LAMA4: variants seen among roughly 807,000 people sequenced by gnomAD.
LAMA4 encodes laminin subunit alpha 4.
In LAMA4, 127 loss-of-function variants were observed where a neutral mutation model predicts 207.1. The ratio of observed to expected loss-of-function variants is 0.61; its 90% CI spans 0.53 to 0.71. LAMA4 has a LOEUF of 0.71. Among genes scored for constraint, LAMA4 ranks in the 30% least tolerant of loss-of-function variants. The pLI, the probability that LAMA4 is intolerant of heterozygous loss-of-function variation, is 0.00. For missense variants in LAMA4, 2,093 were observed against 2,246.5 expected (o/e 0.93, Z 1.38); for synonymous variants, 761 against 816.0 (o/e 0.93, Z 1.15).
chr6:112,232,652 C>G (rs1299225513), intron 2 of LAMA4, among the ~76,000 whole-genome samples: 1 of 152,080 alleles, frequency 6.6e-6, no homozygotes, highest in Non-Finnish European at 1.5e-5. Flanking sequence ...ATCGAGATAG[C>G]TATTCTGTTA....
Position 112,155,566 on chromosome 6 carries a change from T to C in LAMA4, c.1958A>G (p.Asp653Gly). 1.9e-6 allele frequency: 3 copies of C among 1,614,130 alleles called. No individual in the cohort carries two copies. The South Asian group carries it at 3.3e-5, about 18-fold the overall frequency. Reference protein sequence around the residue: ...FALNTTDRIYDAVSGIDTQII... With the variant: ...FALNTTDRIYGAVSGIDTQII... ...AAAGAACTTTCAGGGAATACTCACA[T>C]CATAAATTCGGTCAGTGGTGTTCAA... is the stretch of plus-strand genomic sequence containing the variant. The change falls in exon 15 of 39, where the codon GAT becomes GGT. Residue 653 changes from aspartate (D) to glycine (G), a missense_variant and splice_region_variant. Physicochemically the swap from Asp to Gly is moderately conservative, Grantham distance 94. Coordinates refer to ENST00000230538, the MANE Select transcript of LAMA4 (RefSeq NM_001105206.3).
At chr6:112,113,542 T>C (rs1777829663) in intron 38 of LAMA4, among the ~76,000 whole-genome samples, 1 of 152,232 alleles carries the variant, frequency 6.6e-6, no homozygotes, top group African/African-American at 2.4e-5. Context: ...TCTTGGCAGA[T>C]GACAGCAGCA....
At chr6:112,134,244 A>T (rs1554330786) in intron 26 of LAMA4, among the ~76,000 whole-genome samples, 2 of 152,226 alleles carry the variant, frequency 1.3e-5, no homozygotes, top group Non-Finnish European at 2.9e-5. Context: ...AGAGTAATAC[A>T]ATAATTGAAG....
At position 112,117,246 on chromosome 6, in the gene LAMA4, G is replaced by A. The variant is rs373999183; in HGVS notation, c.4981+493C>T. ...ATCTGGCATAGGGACTGCCTTATGG[G>A]AGGCATACAATAAAAACTGAATGAG... On this transcript the variant is annotated intron_variant, in intron 35 of 38. Transcript: ENST00000230538. The surrounding 1 kb of genome is among the most constrained non-coding windows in gnomAD (Gnocchi z 4.5). Among the ~76,000 whole-genome samples the A allele has an allele frequency of 4.1e-4, 62 of 152,194 alleles. No homozygotes were observed. The highest frequency in any genetic ancestry group is 1.4e-3 in the African/African-American group (60 of 41,512).
intron 18 of LAMA4, 27 bp downstream of exon 18, chr6:112,148,130 T>A: frequency 1.5e-5 from 24 of 1,603,852 alleles, no homozygotes; most frequent in Non-Finnish European, 1.8e-5. Flanking sequence ...TTAATTAGAT[T>A]CAAATTGTGA....
At chr6:112,227,818 C>T (rs1368400312) in intron 2 of LAMA4, among the ~76,000 whole-genome samples, 2 of 152,172 alleles carry the variant, frequency 1.3e-5, no homozygotes, top group South Asian at 2.1e-4. Flanking sequence ...TGAGTGGCTA[C>T]TAAATCTGAT....
At chr6:112,251,766 T>C (rs1410203820) in intron 2 of LAMA4, among the ~76,000 whole-genome samples, 1 of 152,250 alleles carries the variant, frequency 6.6e-6, no homozygotes, top group Non-Finnish European at 1.5e-5. Context: ...TGTGAAACTA[T>C]GCAGTGGGAA....
At chr6:112,207,360 TTG>T (rs1554354717) in intron 3 of LAMA4, among the ~76,000 whole-genome samples, 1 of 151,984 alleles carries the variant, frequency 6.6e-6, no homozygotes, top group Non-Finnish European at 1.5e-5. Flanking sequence ...TCCTGGGCTT[TTG>T]TGTGTGTGTG....
At chr6:112,224,585 G>A (rs1181540755) in intron 2 of LAMA4, among the ~76,000 whole-genome samples, 1 of 152,170 alleles carries the variant, frequency 6.6e-6, no homozygotes, top group Non-Finnish European at 1.5e-5. Context: ...GGAGGCTGAG[G>A]CAGGTAGATC....
chr6:112,117,755 TC>T lies in LAMA4; in HGVS notation c.4964del (p.Gly1655GlufsTer6), dbSNP rs782440561. ...METGTYFSTE[G>X]GYVVLDESFN... Reference sequence around the variant, plus strand: ...TAATGTTACCTAGAACCACGTATCCTCCTTCTGTTGAAAAGTAAGTTCCTGT... The same window carrying T: ...TAATGTTACCTAGAACCACGTATCCTCTTCTGTTGAAAAGTAAGTTCCTGT... On this transcript the variant is annotated frameshift_variant, in exon 35 of 39. Transcript: ENST00000230538. LOFTEE classifies it high-confidence loss of function. This position sits in a 1 kb window ranked among gnomAD's most constrained non-coding sequence, Gnocchi z 4.5. 6.2e-7 allele frequency: 1 copy of T among 1,613,550 alleles called. No homozygotes were observed. Among genetic ancestry groups the T allele is most frequent in the South Asian group, 1.1e-5 (1 of 91,062 alleles).
intron 5 of LAMA4, among the ~76,000 whole-genome samples, chr6:112,192,955 G>A (rs1435748831): frequency 6.6e-6 from 1 of 152,234 alleles, no homozygotes; most frequent in Non-Finnish European, 1.5e-5. Flanking sequence ...GGATGTTTAT[G>A]TGAAATTGCA....
At chr6:112,214,163 A>G (rs1402909149) in intron 3 of LAMA4, 1 of 502,338 alleles carries the variant, frequency 2.0e-6, no homozygotes, top group Non-Finnish European at 3.6e-6. Context: ...AGTGAAATAA[A>G]AAATTCTTTT....
At chr6:112,199,752 G>A (rs1554351588) in intron 5 of LAMA4, among the ~76,000 whole-genome samples, 1 of 146,774 alleles carries the variant, frequency 6.8e-6, no homozygotes, top group African/African-American at 2.6e-5. Context: ...ATTTTTCTCT[G>A]TATCACAGAT....
chr6:112,191,859 G>A lies in LAMA4; in HGVS notation c.504-9C>T, dbSNP rs782500236. On this transcript the variant is annotated splice_polypyrimidine_tract_variant and intron_variant, in intron 5 of 38. Coordinates refer to ENST00000230538, the MANE Select transcript of LAMA4 (RefSeq NM_001105206.3). ...AGTAACCGGGAGCACATCTGAAGAG[G>A]AATATCACACATTTAAATATTTAGC... 1.3e-5 allele frequency: 21 copies of A among 1,580,742 alleles called. No homozygotes were observed. The East Asian group carries it at 3.8e-4, about 29-fold the overall frequency.
chr6:112,129,143 G>T, intron 30 of LAMA4, 68 bp from the exon 31 acceptor site: 1 of 1,395,644 alleles, frequency 7.2e-7, no homozygotes. Context: ...TGAATATTAT[G>T]GAAGTGAAAG....
At chr6:112,167,116 C>A (rs1482807917) in intron 12 of LAMA4, among the ~76,000 whole-genome samples, 2 of 152,228 alleles carry the variant, frequency 1.3e-5, no homozygotes, top group Non-Finnish European at 2.9e-5. Context: ...TGTATGGCTA[C>A]TGTTGGTACA....
chr6:112,166,040 G>C (rs782066559), intron 12 of LAMA4, among the ~76,000 whole-genome samples: 1 of 152,300 alleles, frequency 6.6e-6, no homozygotes, highest in South Asian at 2.1e-4. Context: ...AGTGAAAAAT[G>C]AGTTGAAGTT....
chr6:112,144,000 TTCTG>T (rs1191225545), intron 19 of LAMA4, among the ~76,000 whole-genome samples: 2 of 152,208 alleles, frequency 1.3e-5, no homozygotes, highest in Admixed American at 6.5e-5. Flanking sequence ...TAACTCTTCT[TTCTG>T]TCAGTAATTA....
intron 9 of LAMA4, among the ~76,000 whole-genome samples, chr6:112,184,322 T>C (rs1275857630): frequency 2.2e-5 from 3 of 133,946 alleles, no homozygotes; most frequent in Non-Finnish European, 4.8e-5. Flanking sequence ...GGAATATCAT[T>C]AGAAAAAAAA....
Sources: allele counts gnomAD v4.1 joint callset (sites outside exome capture counted in the v4.1 genomes callset), GRCh38; gene constraint gnomAD v4.1.1; non-coding constraint Gnocchi (gnomAD v3.1); transcripts MANE v1.5; gene names NCBI Gene and HGNC (gene_info 2026-07-23, HGNC 2026-07-21).